TNRC6C: variants seen among roughly 807,000 people sequenced by gnomAD.
The protein encoded by TNRC6C is trinucleotide repeat containing adaptor 6C, also known as trinucleotide repeat-containing gene 6C protein.
A neutral mutation model predicts 153.7 loss-of-function variants in TNRC6C; 20 were observed. That is an observed-to-expected ratio of 0.13 (90% CI 0.09 to 0.19). The LOEUF (loss-of-function observed/expected upper bound fraction) is 0.19. TNRC6C is among the 10% of genes least tolerant of loss of function. The probability of loss-of-function intolerance (pLI) is 1.00; values close to 1 mark genes in which losing one functional copy is unlikely to be tolerated. For missense variants in TNRC6C, 1,987 were observed against 2,172.0 expected, an observed-to-expected ratio of 0.91 and a Z score of 1.69; for synonymous variants, 811 against 841.4, an observed-to-expected ratio of 0.96 and a Z score of 0.63.
chr17:78,092,867 G>A (rs1021672493), intron 14 of TNRC6C, 66 bp from the exon 17 acceptor site: 28 of 1,465,874 alleles, frequency 1.9e-5, no homozygotes, highest in Non-Finnish European at 2.6e-5. Context: ...GAGGCTTAGG[G>A]TATCTTCTGG....
chr17:77,995,375 C>T (rs1405886787), intron 1 of TNRC6C, among the ~76,000 whole-genome samples: 4 of 152,212 alleles, frequency 2.6e-5, no homozygotes, highest in Non-Finnish European at 4.4e-5. Context: ...TCTTCTCCTG[C>T]TATGTCTCTA....
intron 16 of TNRC6C, among the ~76,000 whole-genome samples, chr17:78,094,428 CTTCTTTTGT>C (rs1485741702): frequency 6.7e-6 from 1 of 149,190 alleles, no homozygotes; most frequent in Non-Finnish European, 1.5e-5. Context: ...TTTGTGTTTG[CTTCTTTTGT>C]TTCTTTTTTT....
At chr17:78,018,196 G>A (rs983042312) in intron 1 of TNRC6C, among the ~76,000 whole-genome samples, 23 of 151,956 alleles carry the variant, frequency 1.5e-4, no homozygotes, top group African/African-American at 5.3e-4. Flanking sequence ...GCGCAGTCTC[G>A]GCTCACTGCA....
At chr17:77,979,865 G>A (rs918948915) in intron 1 of TNRC6C, among the ~76,000 whole-genome samples, 4 of 152,114 alleles carry the variant, frequency 2.6e-5, no homozygotes, top group African/African-American at 7.2e-5. Flanking sequence ...CAGTAAAGAC[G>A]GACAGTCTAC....
chr17:78,037,812 T>A (rs1378266356), intron 2 of TNRC6C, among the ~76,000 whole-genome samples: 1 of 152,202 alleles, frequency 6.6e-6, no homozygotes, highest in African/African-American at 2.4e-5. Context: ...CTTGATAGAC[T>A]AATTCCAAAC....
At chr17:78,051,647 A>G (rs769072650) in intron 3 of TNRC6C, among the ~76,000 whole-genome samples, 199 bp downstream of exon 5, 2 of 152,188 alleles carry the variant, frequency 1.3e-5, no homozygotes, top group African/African-American at 2.4e-5. Flanking sequence ...GTGGTTTTCT[A>G]TTCAAGAAAA....
At chr17:78,064,982 G>T in intron 4 of TNRC6C, 45 bp downstream of exon 6, 1 of 1,541,608 alleles carries the variant, frequency 6.5e-7, no homozygotes, top group South Asian at 1.2e-5. Flanking sequence ...ATTTGGAAAT[G>T]ACTCAAAGTA....
In TNRC6C at chr17:78,081,688, T is replaced by C. The variant is rs150513072; in HGVS notation, c.3358-1359T>C. On this transcript the variant is annotated intron_variant, in intron 10 of 19. Transcript: ENST00000301624. Reference sequence around the variant, plus strand: ...TACTGTGCCGGTGGCCTTGAAATTGTACACACCACTTCCAGTCACATCCCA... The same window carrying C: ...TACTGTGCCGGTGGCCTTGAAATTGCACACACCACTTCCAGTCACATCCCA... Among the ~76,000 whole-genome samples, 241 of 152,304 alleles carry C rather than the reference T, an allele frequency of 1.6e-3. 3 individuals are homozygous for C. The highest frequency in any genetic ancestry group is 6.8e-3 in the Middle Eastern group (2 of 294).
At chr17:78,098,388 C>T in exon 17 of TNRC6C, 1 of 1,613,878 alleles carries the variant, frequency 6.2e-7, no homozygotes, top group South Asian at 1.1e-5. Flanking sequence ...GGCCCTACCT[C>T]CCACACGCAA....
At chr17:78,023,943 C>T (rs529433755) in intron 1 of TNRC6C, among the ~76,000 whole-genome samples, 1 of 152,182 alleles carries the variant, frequency 6.6e-6, no homozygotes, top group Admixed American at 6.5e-5. Context: ...AACCCCATCT[C>T]TACTAAAAAT....
intron 1 of TNRC6C, among the ~76,000 whole-genome samples, chr17:77,986,080 TATAAA>T: frequency 6.6e-6 from 1 of 152,248 alleles, no homozygotes; most frequent in Middle Eastern, 3.4e-3. Flanking sequence ...TTAAAAAAAT[TATAAA>T]ATACCTAGAC....
chr17:78,102,553 T>G lies in TNRC6C; in HGVS notation c.4572+9T>G. 1 of 1,594,842 alleles carries G rather than the reference T, an allele frequency of 6.3e-7. No homozygotes were observed. The highest frequency in any genetic ancestry group is 8.5e-7 in the Non-Finnish European group (1 of 1,170,610). On this transcript the variant is annotated intron_variant, in intron 18 of 19. Coordinates refer to ENST00000301624, the Ensembl canonical transcript of TNRC6C. ...GAAACCTCACTCCCCAGGTGCAATA[T>G]GGTGCCCCTGCATCACTGAGCATGA...
At chr17:77,963,849 T>C (rs984690102) in intron 1 of TNRC6C, among the ~76,000 whole-genome samples, 1 of 152,228 alleles carries the variant, frequency 6.6e-6, no homozygotes, top group African/African-American at 2.4e-5. Flanking sequence ...AGCAATAATA[T>C]AGCTTCTTAA....
At chr17:78,036,231 C>A (rs1250732302) in intron 2 of TNRC6C, among the ~76,000 whole-genome samples, 1 of 152,130 alleles carries the variant, frequency 6.6e-6, no homozygotes, top group Non-Finnish European at 1.5e-5. Context: ...TTTGTGCCCT[C>A]CCCCCAGGTT....
At chr17:78,007,241 T>C (rs1567911593) in intron 1 of TNRC6C, among the ~76,000 whole-genome samples, 1 of 152,234 alleles carries the variant, frequency 6.6e-6, no homozygotes, top group Non-Finnish European at 1.5e-5. Context: ...GTACAGTTTA[T>C]CAGTAACTAC....
intron 1 of TNRC6C, among the ~76,000 whole-genome samples, chr17:78,024,782 G>A (rs920050459): frequency 1.3e-5 from 2 of 151,408 alleles, no homozygotes; most frequent in Admixed American, 6.6e-5. Context: ...TGATACAACT[G>A]ATGTTCTAGT....
At chr17:78,076,240 A>G (rs1053782421) in intron 8 of TNRC6C, among the ~76,000 whole-genome samples, 1 of 151,944 alleles carries the variant, frequency 6.6e-6, no homozygotes, top group African/African-American at 2.4e-5. Flanking sequence ...AAAGAAAAAA[A>G]AAAAAGGAAA....
chr17:78,017,289 A>G (rs1469844336), intron 1 of TNRC6C, among the ~76,000 whole-genome samples: 1 of 151,814 alleles, frequency 6.6e-6, no homozygotes, highest in Admixed American at 6.5e-5. Flanking sequence ...TGATTGAATA[A>G]GATAGAAGCA....
At chr17:78,019,448 G>T (rs938509039) in intron 1 of TNRC6C, among the ~76,000 whole-genome samples, 16 of 152,198 alleles carry the variant, frequency 1.1e-4, no homozygotes, top group South Asian at 4.1e-4. Context: ...ATTTGGCCCT[G>T]TTATGACAAC....
Sources: allele counts gnomAD v4.1 joint callset (sites outside exome capture counted in the v4.1 genomes callset), GRCh38; gene constraint gnomAD v4.1.1; transcripts MANE v1.5; gene names NCBI Gene and HGNC (gene_info 2026-07-23, HGNC 2026-07-21).